AHI1: variants seen among roughly 807,000 people sequenced by gnomAD.
The protein encoded by AHI1 is jouberin.
Under a neutral mutation model 149.3 loss-of-function variants are expected in AHI1, and 123 were observed. That is an observed-to-expected ratio of 0.82 (90% CI 0.71 to 0.96). The LOEUF is 0.96. AHI1 is among the 40% of genes least tolerant of loss of function. The probability of loss-of-function intolerance (pLI) is 0.00; values close to 1 mark genes in which losing one functional copy is unlikely to be tolerated. For missense variants in AHI1, 1,439 were observed against 1,422.7 expected (o/e 1.01, Z -0.18); for synonymous variants, 475 against 459.8 (o/e 1.03, Z -0.42).
chr6:135,458,478 G>A (rs1789328107), intron 8 of AHI1, among the ~76,000 whole-genome samples: 1 of 152,192 alleles, frequency 6.6e-6, no homozygotes, highest in African/African-American at 2.4e-5. Flanking sequence ...GGCTTGTGGT[G>A]CTAGCAGACC....
At chr6:135,444,095 A>C (rs1204117513) in intron 13 of AHI1, among the ~76,000 whole-genome samples, 1 of 152,188 alleles carries the variant, frequency 6.6e-6, no homozygotes, top group African/African-American at 2.4e-5. Context: ...GGTCCTCAAA[A>C]GCCTTGACTG....
intron 15 of AHI1, among the ~76,000 whole-genome samples, chr6:135,433,968 G>C (rs1785018293): frequency 6.6e-6 from 1 of 151,868 alleles, no homozygotes; most frequent in African/African-American, 2.4e-5. Flanking sequence ...AAACCCTTAA[G>C]GGTTAACCTC....
intron 22 of AHI1, among the ~76,000 whole-genome samples, chr6:135,401,829 A>C (rs1780063881): frequency 6.6e-6 from 1 of 152,184 alleles, no homozygotes; most frequent in Admixed American, 6.5e-5. Flanking sequence ...AAAAGAAAAA[A>C]TAAACTGAAC....
At chr6:135,387,672 T>C (rs1433244190) in intron 23 of AHI1, 1 of 675,680 alleles carries the variant, frequency 1.5e-6, no homozygotes, top group Non-Finnish European at 1.9e-6. Context: ...TTTCCTATAA[T>C]CATCACTTAA....
intron 3 of AHI1, among the ~76,000 whole-genome samples, chr6:135,493,679 A>G (rs1307388616): frequency 2.0e-5 from 3 of 152,218 alleles, no homozygotes; most frequent in East Asian, 1.9e-4. Flanking sequence ...TAAAAATTTA[A>G]TATTTATACT....
chr6:135,295,200 C>T (rs1259182788), intron 27 of AHI1, among the ~76,000 whole-genome samples: 1 of 152,066 alleles, frequency 6.6e-6, no homozygotes, highest in Non-Finnish European at 1.5e-5. Context: ...TGGGGATATG[C>T]AAAATCAAAC....
intron 7 of AHI1, among the ~76,000 whole-genome samples, chr6:135,464,846 T>C (rs552694325): frequency 6.6e-6 from 1 of 152,326 alleles, no homozygotes; most frequent in Admixed American, 6.5e-5. Flanking sequence ...CAGTCCCAGC[T>C]AACATCCTGA....
rs568251246 is a variant in AHI1 at position 135,399,806 on chromosome 6, A to C, written c.2989-4910T>G. Among the ~76,000 whole-genome samples the C allele has an allele frequency of 5.3e-5, 8 of 151,448 alleles. No individual in the cohort carries two copies. The South Asian group carries it at 1.3e-3, about 24-fold the overall frequency. On this transcript the variant is annotated intron_variant, in intron 22 of 28. Coordinates refer to ENST00000265602, the MANE Select transcript of AHI1 (RefSeq NM_001134831.2). The stretch of plus-strand genomic sequence containing the variant: ...AGGCCAGAAAGCTGGGACTCATACT[A>C]GATTGCTCACCACGCTCCACATATA...
At chr6:135,414,322 G>A (rs763317473) in intron 20 of AHI1, among the ~76,000 whole-genome samples, 30 of 152,116 alleles carry the variant, frequency 2.0e-4, no homozygotes, top group Admixed American at 8.5e-4. Context: ...AGATCTAAAT[G>A]TAAAACCCAA....
intron 5 of AHI1, among the ~76,000 whole-genome samples, chr6:135,469,455 T>A (rs935610221): frequency 4.6e-5 from 7 of 152,116 alleles, no homozygotes; most frequent in African/African-American, 1.7e-4. Flanking sequence ...TTGACATTCT[T>A]CACAGAATTA....
rs1456640149 is a variant in AHI1 at position 135,364,293 on chromosome 6, G to T, written c.3110-6106C>A. Among the ~76,000 whole-genome samples, 3 of 151,432 alleles carry T rather than the reference G, an allele frequency of 2.0e-5. No homozygotes were observed. In the East Asian group the frequency reaches 5.9e-4, roughly 30 times the overall value. ...AGGTGCTCCCCACATCTCAGACGAT[G>T]GGCGGCCGGGCAGAGACGCTCCTCA... On this transcript the variant is annotated intron_variant, in intron 23 of 28. Transcript: ENST00000265602.
At chr6:135,370,271 T>A (rs1774828541) in intron 23 of AHI1, among the ~76,000 whole-genome samples, 1 of 152,226 alleles carries the variant, frequency 6.6e-6, no homozygotes, top group African/African-American at 2.4e-5. Flanking sequence ...ATACACCTAT[T>A]ATAACTCTCC....
chr6:135,287,182 G>A (rs1781789488), intron 28 of AHI1, among the ~76,000 whole-genome samples: 1 of 152,158 alleles, frequency 6.6e-6, no homozygotes, highest in African/African-American at 2.4e-5. Flanking sequence ...GATGGATCCT[G>A]CACGTGCAGA....
chr6:135,492,213 T>G lies in AHI1; in HGVS notation c.10+15A>C, dbSNP rs1795346538. On this transcript the variant is annotated intron_variant, in intron 4 of 28. Transcript: ENST00000265602. ...AAAATATAAATTTTATACATAAATTTCATAGAAGTCTTACCTGTAGGCATC... is the reference window on the plus strand; with the variant it reads ...AAAATATAAATTTTATACATAAATTGCATAGAAGTCTTACCTGTAGGCATC... 6.6e-7 allele frequency: 1 copy of G among 1,508,094 alleles called. No homozygotes were observed. Among genetic ancestry groups the G allele is most frequent in the African/African-American group, 1.4e-5 (1 of 71,816 alleles). 93.4% of individuals were successfully genotyped at this position (1,508,094 alleles called of 1,614,324 possible).
chr6:135,344,809 G>A (rs1039589481), intron 24 of AHI1, among the ~76,000 whole-genome samples: 3 of 150,224 alleles, frequency 2.0e-5, no homozygotes, highest in African/African-American at 7.4e-5. Flanking sequence ...GTGAAAGCAA[G>A]TTTATTAGGA....
At chr6:135,386,996 T>G (rs1334656910) in intron 23 of AHI1, among the ~76,000 whole-genome samples, 3 of 151,830 alleles carry the variant, frequency 2.0e-5, no homozygotes, top group African/African-American at 4.8e-5. Context: ...GATCCTGCCA[T>G]TTCAGCCTCT....
At chr6:135,369,900 A>G (rs1774769905) in intron 23 of AHI1, among the ~76,000 whole-genome samples, 1 of 152,144 alleles carries the variant, frequency 6.6e-6, no homozygotes, top group South Asian at 2.1e-4. Flanking sequence ...GACTTCCATG[A>G]AATTCTCCAT....
intron 24 of AHI1, among the ~76,000 whole-genome samples, chr6:135,331,187 A>C (rs1202137795): frequency 6.6e-6 from 1 of 152,188 alleles, no homozygotes; most frequent in Non-Finnish European, 1.5e-5. Context: ...CTGACAGAGT[A>C]ATTAAGAAAT....
intron 23 of AHI1, among the ~76,000 whole-genome samples, chr6:135,372,546 C>T (rs990056888): frequency 6.6e-6 from 1 of 151,244 alleles, no homozygotes; most frequent in Non-Finnish European, 1.5e-5. Context: ...AAAAAATTAG[C>T]TGGATGTGGG....
Sources: allele counts gnomAD v4.1 joint callset (sites outside exome capture counted in the v4.1 genomes callset), GRCh38; gene constraint gnomAD v4.1.1; transcripts MANE v1.5; gene names NCBI Gene and HGNC (gene_info 2026-07-23, HGNC 2026-07-21).